The following USP48 variants were observed in gnomAD, a reference collection of about 807,000 sequenced individuals.
The protein encoded by USP48 is ubiquitin carboxyl-terminal hydrolase 48.
A neutral mutation model predicts 150.7 loss-of-function variants in USP48; 43 were observed. The ratio of observed to expected loss-of-function variants is 0.29; its 90% CI spans 0.22 to 0.37. The LOEUF (loss-of-function observed/expected upper bound fraction) is 0.37. Ranked by LOEUF, USP48 falls within the 10% of genes least tolerant of loss-of-function variation. The probability of loss-of-function intolerance (pLI) is 1.00; values close to 1 mark genes in which losing one functional copy is unlikely to be tolerated. For missense variants in USP48, 813 were observed against 1,249.6 expected, an observed-to-expected ratio of 0.65 and a Z score of 5.27; for synonymous variants, 396 against 425.9, an observed-to-expected ratio of 0.93 and a Z score of 0.86.
chr1:21,724,404 T>C, intron 11 of USP48: 1 of 546,582 alleles, frequency 1.8e-6, no homozygotes, highest in South Asian at 2.5e-5. Context: ...CAGCAGAGCT[T>C]TGATCAGGAC....
intron 14 of USP48, among the ~76,000 whole-genome samples, chr1:21,717,706 C>T (rs561325255): frequency 2.2e-4 from 34 of 152,222 alleles, no homozygotes; most frequent in African/African-American, 8.2e-4. Context: ...GCCTGTAATC[C>T]CAGCACTTTG....
chr1:21,746,276 T>C (rs912133197), intron 8 of USP48, among the ~76,000 whole-genome samples: 1 of 152,052 alleles, frequency 6.6e-6, no homozygotes, highest in African/African-American at 2.4e-5. Context: ...AAGGCAGGTG[T>C]CCCACTTGAG....
chr1:21,735,161 G>T (rs2097765935), intron 9 of USP48, among the ~76,000 whole-genome samples: 2 of 152,130 alleles, frequency 1.3e-5, no homozygotes, highest in South Asian at 4.1e-4. Flanking sequence ...CTAACTTAAT[G>T]CCCATGATCC....
intron 1 of USP48, among the ~76,000 whole-genome samples, chr1:21,775,134 G>C (rs2097894431): frequency 6.6e-6 from 1 of 151,764 alleles, no homozygotes; most frequent in Non-Finnish European, 1.5e-5. Context: ...TTGCTCTATC[G>C]CCCAAGCTGG....
At chr1:21,776,047 T>C (rs561964170) in intron 1 of USP48, among the ~76,000 whole-genome samples, 7 of 152,174 alleles carry the variant, frequency 4.6e-5, no homozygotes, top group Non-Finnish European at 7.3e-5. Context: ...CTCTTACACA[T>C]TGACAGGGAA....
In USP48 at chr1:21,706,871, G is replaced by A; in HGVS notation, c.1964-3C>T. 6.3e-7 allele frequency: 1 copy of A among 1,578,384 alleles called. No individual in the cohort carries two copies. Among genetic ancestry groups the A allele is most frequent in the Non-Finnish European group, 8.6e-7 (1 of 1,168,270 alleles). On this transcript the variant is annotated splice_region_variant and splice_polypyrimidine_tract_variant and intron_variant, in intron 15 of 26. Transcript: ENST00000308271. ...ATTTTCAGATATGCATAACTCACCTGAGTTTAAAAAAATATATTTGGAAAA... is the reference window on the plus strand; with the variant it reads ...ATTTTCAGATATGCATAACTCACCTAAGTTTAAAAAAATATATTTGGAAAA...
At chr1:21,716,985 G>A (rs1023625113) in intron 14 of USP48, among the ~76,000 whole-genome samples, 3 of 152,142 alleles carry the variant, frequency 2.0e-5, no homozygotes, top group South Asian at 4.2e-4. Flanking sequence ...CCCAGATGGC[G>A]CCACTGCACG....
rs780407043 is a variant in USP48 at position 21,703,564 on chromosome 1, C to T, written c.2570G>A (p.Arg857His). Residue 857 changes from arginine to histidine, a missense_variant, in exon 21 of 27, where the codon CGT (arginine) becomes CAT (histidine). Coordinates refer to ENST00000308271, the MANE Select transcript of USP48 (RefSeq NM_032236.8). ...ATAGATGGTGGCTTGAGTGTATTCA[C>T]GCAGGTCCCTCTGCTGCTGACACAA... The part of the protein sequence containing the change: ...GLLCQQQRDL[R>H]EYTQATIYVH... 13 of 1,612,174 alleles carry T rather than the reference C, an allele frequency of 8.1e-6. No homozygotes were observed. Among genetic ancestry groups the T allele is most frequent in the African/African-American group, 1.3e-5 (1 of 74,780 alleles).
Position 21,703,549 on chromosome 1 carries a change from G to A in USP48, c.2585C>T (p.Ala862Val), listed in dbSNP as rs757373135. Residue 862 changes from alanine to valine, a missense_variant, in exon 21 of 27, where the codon GCC (alanine) becomes GTC (valine). Ala to Val is a moderately conservative substitution (Grantham distance 64). Transcript: ENST00000308271. ...QQRDLREYTQATIYVHKVVDN... is the reference protein window; with the variant it reads ...QQRDLREYTQVTIYVHKVVDN... ...CACAACTTTATGGACATAGATGGTG[G>A]CTTGAGTGTATTCACGCAGGTCCCT... 1.2e-6 allele frequency: 2 copies of A among 1,612,866 alleles called. No homozygotes were observed. The highest frequency in any genetic ancestry group is 1.1e-5 in the South Asian group (1 of 91,072).
chr1:21,748,021 C>T lies in USP48; in HGVS notation c.908+117G>A, dbSNP rs1028003138. 4 of 1,138,338 alleles carry T rather than the reference C, an allele frequency of 3.5e-6. No homozygotes were observed. In the African/African-American group the frequency reaches 4.8e-5, roughly 14 times the overall value. The allele number at this position is 1,138,338 out of a possible 1,614,324, so 70.5% of individuals were successfully genotyped here. On this transcript the variant is annotated intron_variant, in intron 7 of 26. Coordinates refer to ENST00000308271, the MANE Select transcript of USP48 (RefSeq NM_032236.8). The stretch of plus-strand genomic sequence containing the variant: ...TCAAAATGACAGCCTCCATCTATAA[C>T]TTTCATCCTCAAATCTAGAGTTTCA...
chr1:21,778,100 A>G (rs2097904534), intron 1 of USP48, among the ~76,000 whole-genome samples: 1 of 151,724 alleles, frequency 6.6e-6, no homozygotes, highest in African/African-American at 2.4e-5. Flanking sequence ...CCGAGATGGC[A>G]TCACTGCACT....
In USP48 at chr1:21,680,769, T is replaced by C. The variant is rs1409882309; in HGVS notation, c.3085+39A>G. On this transcript the variant is annotated intron_variant, in intron 26 of 26. Transcript: ENST00000308271. Reference sequence around the variant, plus strand: ...CTTTAACAGAAAATTACAGGATGACTCTGACATTCATGAACAAAACATGAC... The same window carrying C: ...CTTTAACAGAAAATTACAGGATGACCCTGACATTCATGAACAAAACATGAC... The C allele has an allele frequency of 2.3e-5, 35 of 1,547,050 alleles. No homozygotes were observed. The East Asian group carries it at 6.2e-4, about 28-fold the overall frequency.
At chr1:21,747,293 A>G (rs1267155197) in intron 7 of USP48, 144 bp from the exon 8 acceptor site, 1 of 565,530 alleles carries the variant, frequency 1.8e-6, no homozygotes, top group African/African-American at 1.9e-5. Context: ...TTAGAAGTAA[A>G]CAGAATATTG....
chr1:21,682,573 T>G (rs1558980255), intron 25 of USP48, among the ~76,000 whole-genome samples: 1 of 152,094 alleles, frequency 6.6e-6, no homozygotes, highest in Non-Finnish European at 1.5e-5. Context: ...TACTTAAGTA[T>G]GAGGTACTAA....
Position 21,751,711 on chromosome 1 carries a change from T to C in USP48, c.666-96A>G, listed in dbSNP as rs553638070. The C allele has an allele frequency of 1.9e-5, 17 of 901,804 alleles. No individual in the cohort carries two copies. The African/African-American group carries it at 2.5e-4, about 13-fold the overall frequency. The allele number at this position is 901,804 out of a possible 1,614,324, so 55.9% of individuals were successfully genotyped here. On this transcript the variant is annotated intron_variant, in intron 5 of 26. Coordinates refer to ENST00000308271, the MANE Select transcript of USP48 (RefSeq NM_032236.8). ...CTAGAAAGATGGAAAAAAGCATTTA[T>C]AACTTTCATTAGTTCTCCTTCACAG...
At chr1:21,703,764 C>T (rs2097664288) in intron 20 of USP48, 146 bp from the exon 21 acceptor site, 3 of 675,068 alleles carry the variant, frequency 4.4e-6, no homozygotes, top group African/African-American at 1.8e-5. Context: ...CAAGGTTTTG[C>T]TGTGTCACCC....
At position 21,681,730 on chromosome 1, in the gene USP48, A is replaced by G. The variant is rs186211143; in HGVS notation, c.3059-896T>C. Among the ~76,000 whole-genome samples the G allele has an allele frequency of 7.2e-5, 11 of 152,278 alleles. No individual in the cohort carries two copies. In the East Asian group the frequency reaches 2.1e-3, roughly 29 times the overall value. On this transcript the variant is annotated intron_variant, in intron 25 of 26. Coordinates refer to ENST00000308271, the MANE Select transcript of USP48 (RefSeq NM_032236.8). ...CATTACTTTTTACGCCATTAATACT[A>G]GTCACAGTTGAATGCCTTGGTGCAC...
Position 21,703,496 on chromosome 1 carries a change from C to T in USP48, c.2622+16G>A, listed in dbSNP as rs767407705. ...GCTTGATCATTACTAGTCATTGCCA[C>T]AAGAGGGACCAGTACCTTTTTATTA... On this transcript the variant is annotated intron_variant, in intron 21 of 26. Transcript: ENST00000308271. The T allele has an allele frequency of 6.3e-7, 1 of 1,595,698 alleles. No homozygotes were observed. Among genetic ancestry groups the T allele is most frequent in the Non-Finnish European group, 8.6e-7 (1 of 1,166,210 alleles).
intron 8 of USP48, among the ~76,000 whole-genome samples, chr1:21,738,319 A>G (rs781541858): frequency 1.4e-5 from 2 of 147,844 alleles, no homozygotes; most frequent in Non-Finnish European, 3.0e-5. Context: ...CGGCCTCCCA[A>G]AGTGCTGGGA....
Sources: allele counts gnomAD v4.1 joint callset (sites outside exome capture counted in the v4.1 genomes callset), GRCh38; gene constraint gnomAD v4.1.1; transcripts MANE v1.5; gene names NCBI Gene and HGNC (gene_info 2026-07-23, HGNC 2026-07-21).